The following BLTP3B variants were observed in gnomAD, a reference collection of about 807,000 sequenced individuals.
BLTP3B encodes the protein UHRF1 (ICBP90) binding protein 1-like.
the BLTP3B span, among the ~76,000 whole-genome samples, chr12:100,077,818 G>A: frequency 3.3e-5 from 5 of 152,098 alleles, no homozygotes; most frequent in Non-Finnish European, 5.9e-5. Flanking sequence ...ATTAGACCAC[G>A]TTAGGTGATT....
At chr12:100,050,201 T>C in the BLTP3B span, 13 of 1,583,372 alleles carry the variant, frequency 8.2e-6, no homozygotes, top group Non-Finnish European at 1.1e-5. Flanking sequence ...TGCCGAAGGC[T>C]GATATTGCCT....
At chr12:100,042,573 GAAAATCATCATGACCTCAGATTTGGC>G in the BLTP3B span, among the ~76,000 whole-genome samples, 1 of 152,104 alleles carries the variant, frequency 6.6e-6, no homozygotes, top group East Asian at 1.9e-4. Flanking sequence ...GAAAACATGA[GAAAATCATCATGACCTCAGATTTGGC>G]CATGGACTCT....
chr12:100,124,921 T>TA, the BLTP3B span, among the ~76,000 whole-genome samples: 16 of 86,410 alleles, frequency 1.9e-4, no homozygotes, highest in Non-Finnish European at 2.6e-4. Flanking sequence ...GACCCTGCCT[T>TA]AAAAAAAAAA....
At chr12:100,119,764 G>A in the BLTP3B span, among the ~76,000 whole-genome samples, 4 of 152,132 alleles carry the variant, frequency 2.6e-5, no homozygotes, top group Admixed American at 2.6e-4. Context: ...AAAAATCCTT[G>A]ACCTTTACCT....
chr12:100,066,382 T>C, the BLTP3B span, among the ~76,000 whole-genome samples: 1 of 152,044 alleles, frequency 6.6e-6, no homozygotes, highest in African/African-American at 2.4e-5. Flanking sequence ...AAACAATTAC[T>C]AATAGGCCTA....
At chr12:100,062,794 T>C in the BLTP3B span, among the ~76,000 whole-genome samples, 904 of 151,866 alleles carry the variant, frequency 6.0e-3, 9 homozygotes, top group African/African-American at 0.021. Context: ...AGATCTTGTA[T>C]CTACAAAAAA....
chr12:100,114,148 C>T, the BLTP3B span, among the ~76,000 whole-genome samples: 2 of 151,998 alleles, frequency 1.3e-5, no homozygotes, highest in African/African-American at 4.8e-5. Flanking sequence ...GAGTGGCTAC[C>T]CAGCTAACAG....
At chr12:100,038,273 T>C in the BLTP3B span, among the ~76,000 whole-genome samples, 1 of 152,206 alleles carries the variant, frequency 6.6e-6, no homozygotes, top group Admixed American at 6.5e-5. Context: ...CCAACTATCA[T>C]AGACTCACCT....
the BLTP3B span, among the ~76,000 whole-genome samples, chr12:100,046,518 T>G: frequency 6.7e-6 from 1 of 149,896 alleles, no homozygotes; most frequent in African/African-American, 2.5e-5. Context: ...TAAGTGGGAG[T>G]TGAACAATGA....
At chr12:100,127,008 A>G in the BLTP3B span, among the ~76,000 whole-genome samples, 1 of 152,200 alleles carries the variant, frequency 6.6e-6, no homozygotes, top group Non-Finnish European at 1.5e-5. Flanking sequence ...GCTGTGGTTA[A>G]AACTTGGAAT....
the BLTP3B span, among the ~76,000 whole-genome samples, chr12:100,067,545 G>T: frequency 2.6e-5 from 4 of 151,940 alleles, no homozygotes; most frequent in African/African-American, 9.7e-5. Flanking sequence ...GTCATTCAAG[G>T]CAACTATGAA....
At chr12:100,039,281 A>C in the BLTP3B span, among the ~76,000 whole-genome samples, 1 of 152,232 alleles carries the variant, frequency 6.6e-6, no homozygotes, top group African/African-American at 2.4e-5. Flanking sequence ...AAATACAGCA[A>C]TATGAAAAAA....
the BLTP3B span, among the ~76,000 whole-genome samples, chr12:100,101,617 C>G: frequency 6.6e-6 from 1 of 152,136 alleles, no homozygotes; most frequent in East Asian, 1.9e-4. Context: ...TGCAAAAAAG[C>G]AGACAACATA....
At chr12:100,045,882 G>GA in the BLTP3B span, among the ~76,000 whole-genome samples, 1 of 152,016 alleles carries the variant, frequency 6.6e-6, no homozygotes, top group African/African-American at 2.4e-5. Flanking sequence ...AAATTTACAA[G>GA]AAAAAATCAA....
At chr12:100,128,231 C>T in the BLTP3B span, among the ~76,000 whole-genome samples, 26 of 152,146 alleles carry the variant, frequency 1.7e-4, no homozygotes, top group African/African-American at 6.0e-4. Context: ...CTTACCCATT[C>T]ATTTAAAAGT....
At chr12:100,118,355 G>C in the BLTP3B span, among the ~76,000 whole-genome samples, 1 of 152,170 alleles carries the variant, frequency 6.6e-6, no homozygotes, top group East Asian at 1.9e-4. Flanking sequence ...TCACACTACT[G>C]CACTCCAGTC....
chr12:100,061,313 G>T, the BLTP3B span, among the ~76,000 whole-genome samples: 1 of 152,242 alleles, frequency 6.6e-6, no homozygotes, highest in African/African-American at 2.4e-5. Flanking sequence ...AAAGAACCCC[G>T]ATAGCAGATG....
At chr12:100,037,814 AT>A in the BLTP3B span, 2 of 1,429,946 alleles carry the variant, frequency 1.4e-6, no homozygotes, top group Non-Finnish European at 1.9e-6. Flanking sequence ...AATACAGACT[AT>A]TTATATAGTA....
At chr12:100,103,279 T>C in the BLTP3B span, among the ~76,000 whole-genome samples, 9 of 152,064 alleles carry the variant, frequency 5.9e-5, no homozygotes, top group Admixed American at 5.9e-4. Context: ...CTATGGGAAA[T>C]ATGAAATAAG....
Sources: gnomAD v4.1 joint callset for allele counts (sites outside exome capture counted in the v4.1 genomes callset) on GRCh38, gnomAD v4.1.1 for gene constraint, MANE v1.5 for transcripts, NCBI Gene and HGNC (gene_info 2026-07-23, HGNC 2026-07-21) for gene names.